Variants in FMN2 observed in about 807,000 individuals in gnomAD.
FMN2 encodes the protein formin 2, also known as formin-2.
A neutral mutation model predicts 142.3 loss-of-function variants in FMN2; 51 were observed. The observed-to-expected ratio is 0.36, with a 90% CI of 0.29 to 0.45. FMN2 has a LOEUF of 0.45. Ranked by LOEUF, FMN2 falls within the 20% of genes least tolerant of loss-of-function variation. The pLI, the probability that FMN2 is intolerant of heterozygous loss-of-function variation, is 1.00. For missense variants in FMN2, 1,936 were observed against 2,122.8 expected (o/e 0.91, Z 1.73); for synonymous variants, 882 against 869.8 (o/e 1.01, Z -0.25).
intron 6 of FMN2, among the ~76,000 whole-genome samples, chr1:240,231,872 TA>T (rs1667536743): frequency 6.6e-6 from 1 of 152,222 alleles, no homozygotes; most frequent in Non-Finnish European, 1.5e-5. Flanking sequence ...TTATCCCTTT[TA>T]AAAATCCCTC....
At chr1:240,173,089 C>A (rs558054091) in intron 2 of FMN2, among the ~76,000 whole-genome samples, 1 of 152,212 alleles carries the variant, frequency 6.6e-6, no homozygotes, top group East Asian at 1.9e-4. Flanking sequence ...GCGCCTGCCA[C>A]CACGCTCAGC....
intron 4 of FMN2, 57 bp downstream of exon 4, chr1:240,188,319 G>A: frequency 1.9e-6 from 3 of 1,562,882 alleles, no homozygotes; most frequent in Non-Finnish European, 1.8e-6. Context: ...TCTTAAGATT[G>A]TGACAGACTC....
At chr1:240,111,385 G>T (rs779174312) in intron 1 of FMN2, among the ~76,000 whole-genome samples, 3 of 152,148 alleles carry the variant, frequency 2.0e-5, no homozygotes, top group African/African-American at 7.2e-5. Flanking sequence ...ATAAAGAAAG[G>T]CTACTCCATA....
intron 6 of FMN2, among the ~76,000 whole-genome samples, chr1:240,226,401 C>T (rs190646555): frequency 5.9e-5 from 9 of 152,206 alleles, no homozygotes; most frequent in Admixed American, 3.3e-4. Context: ...GTACTGAAAG[C>T]GAAATGTTCA....
intron 3 of FMN2, among the ~76,000 whole-genome samples, chr1:240,181,192 C>T (rs1432789001): frequency 1.4e-4 from 22 of 151,844 alleles, no homozygotes; most frequent in South Asian, 1.0e-3. Context: ...TTTGTAGAAA[C>T]GGGGTTTCAC....
intron 1 of FMN2, among the ~76,000 whole-genome samples, chr1:240,113,649 T>G (rs894061053): frequency 3.3e-5 from 5 of 152,090 alleles, no homozygotes; most frequent in African/African-American, 1.2e-4. Flanking sequence ...CTAATCCTAT[T>G]TAGTAGGTGA....
At chr1:240,180,788 A>T (rs1407151998) in intron 3 of FMN2, among the ~76,000 whole-genome samples, 1 of 151,810 alleles carries the variant, frequency 6.6e-6, no homozygotes, top group East Asian at 1.9e-4. Flanking sequence ...GCTGCTCTCG[A>T]ATTCCTGACC....
chr1:240,338,590 T>C (rs1178315128), intron 13 of FMN2, among the ~76,000 whole-genome samples: 1 of 152,086 alleles, frequency 6.6e-6, no homozygotes, highest in Non-Finnish European at 1.5e-5. Flanking sequence ...CCTCCTGCCG[T>C]CTACCTTCAT....
At position 240,207,467 on chromosome 1, in the gene FMN2, C is replaced by A; in HGVS notation, c.2655C>A (p.Gly885=). The change falls in exon 5 of 18, where the codon GGC becomes GGA. Residue 885 remains glycine, a synonymous_variant. Transcript: ENST00000319653. ...MVPPPPPPLP[G]MTVPTLPSTA... is the part of the protein sequence containing the mutation. ...CTCCCCCACCTCCCCCTCTCCCTGG[C>A]ATGACAGTGCCTACTCTGCCCAGTA... 6.2e-7 allele frequency: 1 copy of A among 1,612,960 alleles called. No homozygotes were observed. The highest frequency in any genetic ancestry group is 8.5e-7 in the Non-Finnish European group (1 of 1,179,570).
At chr1:240,370,592 C>T (rs1672829350) in intron 14 of FMN2, among the ~76,000 whole-genome samples, 1 of 152,180 alleles carries the variant, frequency 6.6e-6, no homozygotes, top group Non-Finnish European at 1.5e-5. Context: ...CTCCTTTTCT[C>T]CCATACCCTT....
rs186039551 is a variant in FMN2, at chr1:240,188,359, G to T, written c.1986+97G>T. ...ATTTATCTTTCCATCTGCCCGGCTG[G>T]CTAGGATGCCCTTGTTTTCCCTAAG... On this transcript the variant is annotated intron_variant, in intron 4 of 17. Transcript: ENST00000319653. The T allele has an allele frequency of 2.4e-3, 3,051 of 1,294,380 alleles. 6 individuals are homozygous for T. Among genetic ancestry groups the T allele is most frequent in the Non-Finnish European group, 3.1e-3 (2,815 of 909,662 alleles). 80.2% of individuals were successfully genotyped at this position (1,294,380 alleles called of 1,614,324 possible). A position where few individuals can be genotyped will look rare whatever the true frequency, so the allele number is the denominator to read the frequency against.
At chr1:240,314,075 C>A (rs1479205317) in intron 8 of FMN2, among the ~76,000 whole-genome samples, 1 of 152,056 alleles carries the variant, frequency 6.6e-6, no homozygotes, top group Non-Finnish European at 1.5e-5. Flanking sequence ...AAGGAAGATG[C>A]TGGTATCTAT....
chr1:240,407,709 G>A (rs758463189), intron 15 of FMN2, among the ~76,000 whole-genome samples: 11 of 152,096 alleles, frequency 7.2e-5, no homozygotes, highest in Non-Finnish European at 1.3e-4. Context: ...CTTTCAAACA[G>A]CAATTTATTT....
chr1:240,314,802 T>C (rs1301461515), intron 8 of FMN2, among the ~76,000 whole-genome samples: 16 of 152,210 alleles, frequency 1.1e-4, no homozygotes, highest in Non-Finnish European at 1.5e-4. Flanking sequence ...GTTGAATTGT[T>C]TGTAAGTTCC....
chr1:240,317,898 C>T (rs999786702), intron 8 of FMN2, among the ~76,000 whole-genome samples: 3 of 152,104 alleles, frequency 2.0e-5, no homozygotes, highest in African/African-American at 7.2e-5. Context: ...TGCTGCATCC[C>T]TGGTATGGTT....
At chr1:240,352,600 C>A (rs1354330269) in intron 13 of FMN2, among the ~76,000 whole-genome samples, 1 of 151,852 alleles carries the variant, frequency 6.6e-6, no homozygotes, top group African/African-American at 2.4e-5. Context: ...TTAAAAAAAA[C>A]AAACTGCTCA....
intron 13 of FMN2, among the ~76,000 whole-genome samples, chr1:240,350,676 A>G (rs2103039849): frequency 6.6e-6 from 1 of 152,352 alleles, no homozygotes; most frequent in East Asian, 1.9e-4. Flanking sequence ...ACTTGCATCC[A>G]GATCCGTTTA....
At chr1:240,393,245 C>A (rs1034805945) in intron 15 of FMN2, among the ~76,000 whole-genome samples, 2 of 152,046 alleles carry the variant, frequency 1.3e-5, no homozygotes, top group African/African-American at 4.8e-5. Flanking sequence ...ATGTTTCCAA[C>A]AGCATGTGCA....
Position 240,418,385 on chromosome 1 carries a change from C to T in FMN2, c.4911-19676C>T, listed in dbSNP as rs371028744. 6.5e-4 allele frequency among the ~76,000 whole-genome samples: 99 copies of T among 151,534 alleles called. 1 individual carries two copies. In the South Asian group the frequency reaches 0.016, roughly 25 times the overall value. On this transcript the variant is annotated intron_variant, in intron 15 of 17. Coordinates refer to ENST00000319653, the MANE Select transcript of FMN2 (RefSeq NM_020066.5). ...CTAATTTTTGTATTTTTAGTAGAGA[C>T]GGGATTTCACCATATTGGCCAGGCT... is the stretch of plus-strand genomic sequence containing the variant.
Sources: gnomAD v4.1 joint callset for allele counts (sites outside exome capture counted in the v4.1 genomes callset) on GRCh38, gnomAD v4.1.1 for gene constraint, MANE v1.5 for transcripts, NCBI Gene and HGNC (gene_info 2026-07-23, HGNC 2026-07-21) for gene names.